The following CD6 variants were observed in gnomAD, a reference collection of about 807,000 sequenced individuals.
CD6 encodes CD6 molecule.
A neutral mutation model predicts 75.3 loss-of-function variants in CD6; 53 were observed. That is an observed-to-expected ratio of 0.70 (90% CI 0.56 to 0.88). The LOEUF (loss-of-function observed/expected upper bound fraction) is 0.88, where lower values mean the gene tolerates loss of function less well. CD6 is among the 40% of genes least tolerant of loss of function. CD6 has a pLI of 0.00. For missense variants in CD6, 770 were observed against 897.1 expected (o/e 0.86, Z 1.81); for synonymous variants, 359 against 381.5 (o/e 0.94, Z 0.69).
At chr11:61,017,383 A>G (rs1859451456) in intron 9 of CD6, 96 bp from the exon 10 acceptor site, 2 of 928,700 alleles carry the variant, frequency 2.2e-6, no homozygotes, top group East Asian at 5.2e-5. Context: ...CACCCTATTC[A>G]GCCTACCCAG....
intron 1 of CD6, among the ~76,000 whole-genome samples, chr11:60,979,638 T>G (rs944135559): frequency 6.6e-6 from 1 of 151,984 alleles, no homozygotes; most frequent in Non-Finnish European, 1.5e-5. Context: ...GCTAATTTTT[T>G]TGTATTTTTA....
intron 1 of CD6, among the ~76,000 whole-genome samples, chr11:60,976,441 C>T (rs1346733357): frequency 1.3e-5 from 2 of 152,172 alleles, no homozygotes; most frequent in Non-Finnish European, 1.5e-5. Flanking sequence ...TTAAATATCA[C>T]AAATATAGGA....
chr11:61,008,067 C>A (rs1228669802), intron 3 of CD6, among the ~76,000 whole-genome samples, 157 bp downstream of exon 3: 1 of 152,096 alleles, frequency 6.6e-6, no homozygotes, highest in Non-Finnish European at 1.5e-5. Context: ...CACCGGAGGA[C>A]GACCTCGAGT....
intron 1 of CD6, among the ~76,000 whole-genome samples, chr11:60,995,144 T>C (rs1858239428): frequency 6.6e-6 from 1 of 151,792 alleles, no homozygotes; most frequent in South Asian, 2.1e-4. Flanking sequence ...TTTCTTTTTC[T>C]TTCTTTCTTT....
In CD6 at chr11:61,009,567, TG is replaced by T; in HGVS notation, c.782-4del. The stretch of plus-strand genomic sequence containing the variant: ...CTGACTCTGTCCCCTGCCCCTTCCC[TG>T]CAGAGCACCAGTCCTGGCGCCTGAC... On this transcript the variant is annotated splice_polypyrimidine_tract_variant and splice_region_variant and intron_variant, in intron 4 of 12. Coordinates refer to ENST00000313421, the MANE Select transcript of CD6 (RefSeq NM_006725.5). The T allele has an allele frequency of 1.3e-6, 2 of 1,593,336 alleles. No individual in the cohort carries two copies. Among genetic ancestry groups the T allele is most frequent in the African/African-American group, 2.7e-5 (2 of 74,724 alleles).
Position 61,007,701 on chromosome 11 carries a change from G to C in CD6, c.260G>C (p.Gly87Ala). 1 of 1,397,222 alleles carries C rather than the reference G, an allele frequency of 7.2e-7. No homozygotes were observed. The highest frequency in any genetic ancestry group is 3.1e-5 in the East Asian group (1 of 32,650). 86.6% of individuals were successfully genotyped at this position (1,397,222 alleles called of 1,614,324 possible). The change falls in exon 3 of 13, where the codon GGC becomes GCC. Residue 87 changes from glycine (G) to alanine (A), a missense_variant. Coordinates refer to ENST00000313421, the MANE Select transcript of CD6 (RefSeq NM_006725.5). This position sits in a 1 kb window ranked among gnomAD's most constrained non-coding sequence, Gnocchi z 4.2. ...RAAEAVCRAL[G>A]CGGAEAASQL... The stretch of plus-strand genomic sequence containing the variant: ...GCCGAGGCCGTGTGCCGAGCACTGG[G>C]CTGCGGCGGGGCGGAGGCCGCCTCT...
intron 6 of CD6, among the ~76,000 whole-genome samples, chr11:61,012,254 G>A (rs577923761): frequency 1.3e-5 from 2 of 152,288 alleles, no homozygotes; most frequent in South Asian, 2.1e-4. Flanking sequence ...CCTGAGGTTG[G>A]AGTGGGGATC....
At chr11:61,017,251 T>C in intron 9 of CD6, 1 of 552,862 alleles carries the variant, frequency 1.8e-6, no homozygotes, top group Non-Finnish European at 3.3e-6. Flanking sequence ...GGCTGGGGGG[T>C]TGTAGGGCAC....
chr11:60,994,465 A>AACAAAAAAAAAAAC (rs1554993199), intron 1 of CD6, among the ~76,000 whole-genome samples: 1 of 138,276 alleles, frequency 7.2e-6, no homozygotes, highest in Admixed American at 7.7e-5. Flanking sequence ...GCCAAAAAAA[A>AACAAAAAAAAAAAC]AAAAAAGCTG....
At chr11:60,978,302 G>A (rs1007537532) in intron 1 of CD6, among the ~76,000 whole-genome samples, 2 of 152,160 alleles carry the variant, frequency 1.3e-5, no homozygotes. Context: ...CTACACATGA[G>A]ACCCCCATTT....
chr11:61,017,828 C>A lies in CD6; in HGVS notation c.1652C>A (p.Ser551Tyr). The change falls in exon 11 of 13, where the codon TCC becomes TAC. Residue 551 changes from serine (S) to tyrosine (Y), a missense_variant. Ser to Tyr is a moderately radical substitution (Grantham distance 144, BLOSUM62 -2). Coordinates refer to ENST00000313421, the MANE Select transcript of CD6 (RefSeq NM_006725.5). ...GGACACTGCATTACAGACCCGCCAT[C>A]CCTGGGCCCTCAGTATCACCCGAGG... ...NPGHCITDPP[S>Y]LGPQYHPRSN... The A allele has an allele frequency of 6.2e-7, 1 of 1,614,170 alleles. No individual in the cohort carries two copies. The highest frequency in any genetic ancestry group is 8.5e-7 in the Non-Finnish European group (1 of 1,180,026).
chr11:60,971,972 C>G, intron 1 of CD6, 58 bp downstream of exon 1: 1 of 1,543,674 alleles, frequency 6.5e-7, no homozygotes, highest in Non-Finnish European at 8.9e-7. Flanking sequence ...GTCCGGCCCT[C>G]TCAGTCCCCT....
chr11:61,018,935 C>T (rs2134514998), intron 12 of CD6: 1 of 367,628 alleles, frequency 2.7e-6, no homozygotes, highest in East Asian at 4.2e-5. Flanking sequence ...AGCTCCCTGT[C>T]AGTGGAGGCA....
chr11:61,001,609 A>G (rs1226343178), intron 1 of CD6, among the ~76,000 whole-genome samples: 2 of 152,108 alleles, frequency 1.3e-5, no homozygotes, highest in Non-Finnish European at 2.9e-5. Flanking sequence ...TTAGGTTTTA[A>G]TATCTTCTTA....
At chr11:61,000,398 G>A (rs992383553) in intron 1 of CD6, among the ~76,000 whole-genome samples, 4 of 151,738 alleles carry the variant, frequency 2.6e-5, no homozygotes, top group African/African-American at 4.8e-5. Context: ...TGTTTCCATC[G>A]TCCCTTTCCA....
intron 1 of CD6, among the ~76,000 whole-genome samples, chr11:60,985,480 C>T (rs1011783390): frequency 6.6e-6 from 1 of 152,012 alleles, no homozygotes; most frequent in African/African-American, 2.4e-5. Context: ...CCACCGCACC[C>T]GGCCACCCTC....
At chr11:60,995,782 C>G (rs894471355) in intron 1 of CD6, among the ~76,000 whole-genome samples, 1 of 152,014 alleles carries the variant, frequency 6.6e-6, no homozygotes, top group Admixed American at 6.6e-5. Context: ...CCCCCTGCCC[C>G]GGAGAAGGAA....
chr11:60,994,116 C>T (rs1178999945), intron 1 of CD6, among the ~76,000 whole-genome samples: 1 of 152,074 alleles, frequency 6.6e-6, no homozygotes, highest in Non-Finnish European at 1.5e-5. Flanking sequence ...ATCATCTGTC[C>T]TGTGACATAG....
chr11:61,019,791 G>T lies in CD6; in HGVS notation c.*473G>T. 1 of 174,258 alleles carries T rather than the reference G, an allele frequency of 5.7e-6. No individual in the cohort carries two copies. The highest frequency in any genetic ancestry group is 1.2e-5 in the Non-Finnish European group (1 of 82,930). The allele number at this position is 174,258 out of a possible 1,614,324, so 10.8% of individuals were successfully genotyped here. ...TGCTGCAGGAGGGCCCATATACTAG[G>T]GTCTGCTGAGCTGTTGTCACTGATC... is the stretch of plus-strand genomic sequence containing the variant. On this transcript the variant is annotated 3_prime_UTR_variant, in exon 13 of 13. Transcript: ENST00000313421.
Sources: allele counts gnomAD v4.1 joint callset (sites outside exome capture counted in the v4.1 genomes callset), GRCh38; gene constraint gnomAD v4.1.1; non-coding constraint Gnocchi (gnomAD v3.1); transcripts MANE v1.5; gene names NCBI Gene and HGNC (gene_info 2026-07-23, HGNC 2026-07-21).